The following PRH1 variants were observed in gnomAD, a reference collection of about 807,000 sequenced individuals.
The protein encoded by PRH1 is salivary acidic proline-rich phosphoprotein 1/2.
A neutral mutation model predicts 7.9 loss-of-function variants in PRH1; 7 were observed. The observed-to-expected ratio is 0.89, with a 90% CI of 0.50 to 1.67. The LOEUF is 1.67. PRH1 is among the 40% of genes most tolerant of loss of function. The probability of loss-of-function intolerance (pLI) is 0.00; values close to 1 mark genes in which losing one functional copy is unlikely to be tolerated. For missense variants in PRH1, 109 were observed against 223.6 expected, an observed-to-expected ratio of 0.49 and a Z score of 3.27; for synonymous variants, 45 against 80.8, an observed-to-expected ratio of 0.56 and a Z score of 2.38.
chr12:10,996,390 C>T (rs918874850), intron 1 of PRH1: 1 of 151,050 alleles, frequency 6.6e-6, no homozygotes, highest in African/African-American at 2.4e-5. Context: ...CCCAAAGACA[C>T]ATTCTCATCG....
At chr12:11,131,584 C>A (rs77856697) in intron 1 of PRH1, among the ~76,000 whole-genome samples, 1 of 135,856 alleles carries the variant, frequency 7.4e-6, no homozygotes, top group Admixed American at 7.4e-5. Flanking sequence ...AAAATACATA[C>A]GCAAATAGAC....
chr12:10,893,276 G>C (rs1446754212), intron 2 of PRH1, among the ~76,000 whole-genome samples: 1 of 152,150 alleles, frequency 6.6e-6, no homozygotes, highest in Admixed American at 6.6e-5. Flanking sequence ...GTCATTGTCT[G>C]TGTATCCAAT....
At chr12:11,135,992 T>C (rs1946538958) in intron 1 of PRH1, among the ~76,000 whole-genome samples, 1 of 152,052 alleles carries the variant, frequency 6.6e-6, no homozygotes, top group Non-Finnish European at 1.5e-5. Flanking sequence ...AATACCGCAG[T>C]GTATCATAAA....
At chr12:11,104,018 TA>T (rs1180488279) in intron 1 of PRH1, among the ~76,000 whole-genome samples, 1 of 152,054 alleles carries the variant, frequency 6.6e-6, no homozygotes, top group East Asian at 1.9e-4. Context: ...CTAACTAGGC[TA>T]CCCTGTTGCT....
At chr12:10,991,564 A>G (rs1939935912) in intron 1 of PRH1, among the ~76,000 whole-genome samples, 1 of 152,176 alleles carries the variant, frequency 6.6e-6, no homozygotes, top group Non-Finnish European at 1.5e-5. Context: ...AAAGGGTTAC[A>G]TAATTTGATA....
chr12:10,971,202 C>T (rs1227581316), intron 2 of PRH1, among the ~76,000 whole-genome samples: 1 of 152,112 alleles, frequency 6.6e-6, no homozygotes, highest in Non-Finnish European at 1.5e-5. Flanking sequence ...TTTTCCTCCT[C>T]CCTACTATCC....
intron 1 of PRH1, chr12:10,985,980 A>T (rs772100413): frequency 1.9e-6 from 3 of 1,612,196 alleles, no homozygotes; most frequent in Non-Finnish European, 2.5e-6. Context: ...AATCTGACAC[A>T]AAATCAAAAG....
intron 1 of PRH1, among the ~76,000 whole-genome samples, chr12:11,081,778 T>C (rs1339205254): frequency 1.8e-3 from 175 of 96,430 alleles, no homozygotes; most frequent in Middle Eastern, 4.6e-3. Context: ...TGCCTTTAAA[T>C]TTCATCATTA....
intron 1 of PRH1, among the ~76,000 whole-genome samples, chr12:11,003,113 C>A (rs1384357005): frequency 1.3e-5 from 2 of 151,800 alleles, no homozygotes; most frequent in African/African-American, 4.8e-5. Flanking sequence ...ATGTACACTT[C>A]CTGCTTATAT....
At chr12:11,164,243 G>A (rs991553831) in intron 1 of PRH1, among the ~76,000 whole-genome samples, 2 of 152,158 alleles carry the variant, frequency 1.3e-5, no homozygotes, top group African/African-American at 4.8e-5. Context: ...CAACCAATCT[G>A]ATGAGGGCCC....
At position 11,037,603 on chromosome 12, in the gene PRH1, A is replaced by T. The variant is rs1361833782; in HGVS notation, c.-126+9417T>A. Among the ~76,000 whole-genome samples the T allele has an allele frequency of 5.9e-5, 9 of 152,364 alleles. No homozygotes were observed. The East Asian group carries it at 1.7e-3, about 29-fold the overall frequency. The stretch of plus-strand genomic sequence containing the variant: ...ATTCATGAATTTCTAACACTTTCAA[A>T]TGTGTATCATAAATAATCAAATTGG... On this transcript the variant is annotated intron_variant, in intron 1 of 3. Coordinates refer to the PRH1 transcript ENST00000539853.
chr12:10,918,054 G>T (rs1452758078), intron 2 of PRH1, among the ~76,000 whole-genome samples: 1 of 152,202 alleles, frequency 6.6e-6, no homozygotes, highest in Non-Finnish European at 1.5e-5. Context: ...AAAGGAACAA[G>T]ATCATGTCCT....
intron 1 of PRH1, among the ~76,000 whole-genome samples, chr12:10,980,837 T>C (rs1234955871): frequency 6.6e-6 from 1 of 152,326 alleles, no homozygotes; most frequent in East Asian, 1.9e-4. Flanking sequence ...CTATATTCAG[T>C]ACTGCTCACA....
chr12:11,018,655 T>C (rs1324022847), intron 1 of PRH1, among the ~76,000 whole-genome samples: 1 of 152,252 alleles, frequency 6.6e-6, no homozygotes, highest in Non-Finnish European at 1.5e-5. Flanking sequence ...CCTTCCAACG[T>C]GACACTTCAT....
intron 2 of PRH1, among the ~76,000 whole-genome samples, chr12:10,960,215 T>C (rs1938172638): frequency 6.6e-6 from 1 of 152,210 alleles, no homozygotes; most frequent in Non-Finnish European, 1.5e-5. Flanking sequence ...CAGGCACTGA[T>C]ATGACAAATC....
chr12:11,154,761 A>G (rs912515568), intron 1 of PRH1, among the ~76,000 whole-genome samples: 9 of 152,180 alleles, frequency 5.9e-5, no homozygotes, highest in Non-Finnish European at 1.3e-4. Context: ...CTAGACAAGG[A>G]GTCTTTTAAA....
intron 2 of PRH1, 86 bp downstream of exon 2, chr12:10,882,975 A>G: frequency 6.5e-7 from 1 of 1,539,084 alleles, no homozygotes; most frequent in Non-Finnish European, 9.0e-7. Context: ...CTGACAAGAA[A>G]ATGGTGATAA....
At chr12:11,005,705 T>A (rs990817329) in intron 1 of PRH1, among the ~76,000 whole-genome samples, 2 of 152,220 alleles carry the variant, frequency 1.3e-5, no homozygotes, top group Admixed American at 6.6e-5. Context: ...GAAAACCAAT[T>A]TCAGGCAAGT....
intron 2 of PRH1, among the ~76,000 whole-genome samples, chr12:10,941,140 G>A (rs1950393142): frequency 6.6e-6 from 1 of 152,122 alleles, no homozygotes; most frequent in African/African-American, 2.4e-5. Flanking sequence ...GGTGGGTGGG[G>A]GGTTGTGTGG....
Sources: allele counts gnomAD v4.1 joint callset (sites outside exome capture counted in the v4.1 genomes callset), GRCh38; gene constraint gnomAD v4.1.1; transcripts MANE v1.5; gene names NCBI Gene and HGNC (gene_info 2026-07-23, HGNC 2026-07-21).